The following SLC25A21 variants were observed in gnomAD, a reference collection of about 807,000 sequenced individuals.
SLC25A21 encodes mitochondrial 2-oxodicarboxylate carrier.
SLC25A21 carries 47 observed loss-of-function variants against 43.8 expected under a neutral mutation model. The observed-to-expected ratio is 1.07, with a 90% CI of 0.85 to 1.37. The LOEUF is 1.37. Ranked by LOEUF, SLC25A21 falls within the 40% of genes most tolerant of loss-of-function variation. The pLI, the probability that SLC25A21 is intolerant of heterozygous loss-of-function variation, is 0.00. For missense variants in SLC25A21, 352 were observed against 350.2 expected (o/e 1.00, Z -0.04); for synonymous variants, 131 against 121.3 (o/e 1.08, Z -0.52).
At position 37,000,500 on chromosome 14, in the gene SLC25A21, T is replaced by C. The variant is rs967862505; in HGVS notation, c.71-125496A>G. ...GCTCAGTGGCCTCCTTGCTGTCCTCTGATACATCCATTGCCACCTGCACTC... is the reference window on the plus strand; with the variant it reads ...GCTCAGTGGCCTCCTTGCTGTCCTCCGATACATCCATTGCCACCTGCACTC... On this transcript the variant is annotated intron_variant, in intron 1 of 9. Transcript: ENST00000331299. 2.0e-5 allele frequency among the ~76,000 whole-genome samples: 3 copies of C among 152,156 alleles called. No homozygotes were observed. The East Asian group carries it at 5.8e-4, about 29-fold the overall frequency.
chr14:37,011,705 T>C (rs1180917748), intron 1 of SLC25A21, among the ~76,000 whole-genome samples: 2 of 152,158 alleles, frequency 1.3e-5, no homozygotes, highest in Non-Finnish European at 2.9e-5. Context: ...TTGCAAGCAT[T>C]TGATATATAG....
At position 37,128,538 on chromosome 14, in the gene SLC25A21, C is replaced by CTCTG. The variant is rs1555348857; in HGVS notation, c.70+43742_70+43743insCAGA. Among the ~76,000 whole-genome samples, 475 of 122,788 alleles carry CTCTG rather than the reference C, an allele frequency of 3.9e-3. 2 individuals are homozygous for CTCTG. Among genetic ancestry groups the CTCTG allele is most frequent in the African/African-American group, 5.8e-3 (182 of 31,642 alleles). 80.6% of individuals were successfully genotyped at this position (122,788 alleles called of 152,430 possible). A position where few individuals can be genotyped will look rare whatever the true frequency, so the allele number is the denominator to read the frequency against. On this transcript the variant is annotated intron_variant, in intron 1 of 9. Transcript: ENST00000331299. The stretch of plus-strand genomic sequence containing the variant: ...ACTTTCTGTCTCTCTCTCTCTCTCT[C>CTCTG]TGTGTGTGTGTGTGTGTGTGTGTGT...
At chr14:37,061,866 T>A (rs540812177) in intron 1 of SLC25A21, among the ~76,000 whole-genome samples, 1 of 152,220 alleles carries the variant, frequency 6.6e-6, no homozygotes, top group Non-Finnish European at 1.5e-5. Context: ...AATTTCCTTC[T>A]GGGAAATGCT....
At chr14:36,927,938 T>C (rs1331826110) in intron 1 of SLC25A21, among the ~76,000 whole-genome samples, 1 of 152,148 alleles carries the variant, frequency 6.6e-6, no homozygotes, top group Non-Finnish European at 1.5e-5. Context: ...ATTTGCTGTA[T>C]ATCAACTGGC....
At chr14:36,753,731 G>T (rs1456535718) in intron 3 of SLC25A21, among the ~76,000 whole-genome samples, 1 of 152,094 alleles carries the variant, frequency 6.6e-6, no homozygotes, top group Non-Finnish European at 1.5e-5. Context: ...TAGAATTTCA[G>T]AACCATAGCA....
chr14:36,919,124 T>G, intron 1 of SLC25A21, among the ~76,000 whole-genome samples: 1 of 151,778 alleles, frequency 6.6e-6, no homozygotes, highest in East Asian at 1.9e-4. Context: ...TGGTGTATAC[T>G]TATAACCTCA....
chr14:37,001,820 A>T (rs578007561), intron 1 of SLC25A21, among the ~76,000 whole-genome samples: 8 of 152,034 alleles, frequency 5.3e-5, no homozygotes, highest in Non-Finnish European at 1.2e-4. Flanking sequence ...TTTACTCAAC[A>T]TCTTTTCCAC....
chr14:36,758,101 C>G (rs116940727), intron 3 of SLC25A21, among the ~76,000 whole-genome samples: 3 of 152,216 alleles, frequency 2.0e-5, no homozygotes, highest in African/African-American at 4.8e-5. Flanking sequence ...GAAAGCACAC[C>G]GCAGCCACTC....
At chr14:37,116,105 A>G (rs1963101152) in intron 1 of SLC25A21, among the ~76,000 whole-genome samples, 1 of 152,182 alleles carries the variant, frequency 6.6e-6, no homozygotes, top group Admixed American at 6.5e-5. Flanking sequence ...AAAAAAAAAC[A>G]ACTAAAACTT....
At chr14:36,964,555 T>C (rs1959569658) in intron 1 of SLC25A21, among the ~76,000 whole-genome samples, 1 of 152,224 alleles carries the variant, frequency 6.6e-6, no homozygotes, top group African/African-American at 2.4e-5. Flanking sequence ...ACAGGAAGAA[T>C]AATCCTGGGA....
intron 1 of SLC25A21, among the ~76,000 whole-genome samples, chr14:36,883,365 T>A (rs1242749248): frequency 6.6e-6 from 1 of 152,124 alleles, no homozygotes; most frequent in Admixed American, 6.6e-5. Context: ...TTGGTCAACA[T>A]CCTTCACGTG....
intron 1 of SLC25A21, among the ~76,000 whole-genome samples, chr14:37,085,473 C>G (rs1398126429): frequency 6.6e-6 from 1 of 152,150 alleles, no homozygotes; most frequent in African/African-American, 2.4e-5. Context: ...ATAATTTTAT[C>G]TTTGTGCATA....
chr14:36,922,125 C>T (rs1052865562), intron 1 of SLC25A21, among the ~76,000 whole-genome samples: 15 of 141,872 alleles, frequency 1.1e-4, no homozygotes, highest in South Asian at 2.2e-4. Context: ...GGCAACAGAG[C>T]GAGATTCTGC....
At position 36,984,112 on chromosome 14, in the gene SLC25A21, G is replaced by A. The variant is rs145020208; in HGVS notation, c.71-109108C>T. On this transcript the variant is annotated intron_variant, in intron 1 of 9. Transcript: ENST00000331299. The stretch of plus-strand genomic sequence containing the variant: ...ATATATCCATGTAATAAACCTGCAC[G>A]TGTATCCCCCTGAATCTAAAGTAAA... Among the ~76,000 whole-genome samples, 371 of 152,194 alleles carry A rather than the reference G, an allele frequency of 2.4e-3. 1 individual carries two copies. Among genetic ancestry groups the A allele is most frequent in the African/African-American group, 7.9e-3 (326 of 41,516 alleles).
At chr14:37,106,439 T>C (rs1473177742) in intron 1 of SLC25A21, among the ~76,000 whole-genome samples, 1 of 152,002 alleles carries the variant, frequency 6.6e-6, no homozygotes, top group Non-Finnish European at 1.5e-5. Context: ...GACTGAGATA[T>C]ACACCCTGGT....
intron 3 of SLC25A21, among the ~76,000 whole-genome samples, chr14:36,793,033 C>T (rs764233909): frequency 1.3e-5 from 2 of 152,144 alleles, no homozygotes; most frequent in African/African-American, 4.8e-5. Context: ...TCTGAAATGG[C>T]GTCTTATACT....
At chr14:36,824,756 C>T (rs1057467381) in intron 2 of SLC25A21, among the ~76,000 whole-genome samples, 1 of 133,754 alleles carries the variant, frequency 7.5e-6, no homozygotes, top group African/African-American at 2.8e-5. Context: ...AAAAGAGAAT[C>T]ACTTATATAG....
At chr14:36,989,413 GA>G (rs1960215260) in intron 1 of SLC25A21, among the ~76,000 whole-genome samples, 1 of 152,130 alleles carries the variant, frequency 6.6e-6, no homozygotes, top group Non-Finnish European at 1.5e-5. Flanking sequence ...TAAATATTGG[GA>G]GGGGGGTGGC....
intron 1 of SLC25A21, among the ~76,000 whole-genome samples, chr14:37,074,796 T>G (rs1962246251): frequency 2.0e-5 from 3 of 152,098 alleles, no homozygotes; most frequent in South Asian, 2.1e-4. Context: ...CACTCCAGCC[T>G]GAGTGACAGA....
Sources: gnomAD v4.1 joint callset for allele counts (sites outside exome capture counted in the v4.1 genomes callset) on GRCh38, gnomAD v4.1.1 for gene constraint, MANE v1.5 for transcripts, NCBI Gene and HGNC (gene_info 2026-07-23, HGNC 2026-07-21) for gene names.